LIMK2: variants seen among roughly 807,000 people sequenced by gnomAD.
The protein encoded by LIMK2 is LIM domain kinase 2.
LIMK2 carries 35 observed loss-of-function variants against 75.7 expected under a neutral mutation model. That is an observed-to-expected ratio of 0.46 (90% CI 0.35 to 0.61). LIMK2 has a LOEUF of 0.61. LIMK2 is among the 20% of genes least tolerant of loss of function. LIMK2 has a pLI of 0.00. For synonymous variants in LIMK2, 301 were observed against 319.2 expected (o/e 0.94, Z 0.61); for missense variants, 623 against 831.0 (o/e 0.75, Z 3.08).
chr22:31,220,189 G>A (rs1196051457), intron 1 of LIMK2, among the ~76,000 whole-genome samples: 1 of 152,208 alleles, frequency 6.6e-6, no homozygotes, highest in Non-Finnish European at 1.5e-5. Context: ...GGGCGTAGGA[G>A]GCTGTGTGCT....
At chr22:31,268,443 G>T (rs964055481) in intron 11 of LIMK2, among the ~76,000 whole-genome samples, 1 of 152,136 alleles carries the variant, frequency 6.6e-6, no homozygotes, top group African/African-American at 2.4e-5. Context: ...GCAAACTGGA[G>T]AGGCAAACTG....
chr22:31,258,534 A>G (rs766146875), intron 3 of LIMK2, 108 bp downstream of exon 3: 49 of 1,107,816 alleles, frequency 4.4e-5, no homozygotes, highest in Non-Finnish European at 5.5e-5. Context: ...CAGCCAGGGC[A>G]TCTCCCTTTA....
Position 31,257,040 on chromosome 22 carries a change from AT to A in LIMK2, c.117-1217del, listed in dbSNP as rs529919320. On this transcript the variant is annotated intron_variant, in intron 2 of 15. Transcript: ENST00000331728. ...TCATTAGGGGAGAAGGGAGCTATAG[AT>A]TTTTTTTTTTTTTTTTTTTTTTTTT... 8.4e-3 allele frequency among the ~76,000 whole-genome samples: 626 copies of A among 74,518 alleles called. 2 individuals are homozygous for A. Among genetic ancestry groups the A allele is most frequent in the East Asian group, 0.026 (31 of 1,204 alleles). 48.9% of individuals were successfully genotyped at this position (74,518 alleles called of 152,430 possible). A position where few individuals can be genotyped will look rare whatever the true frequency, so the allele number is the denominator to read the frequency against.
intron 2 of LIMK2, among the ~76,000 whole-genome samples, chr22:31,235,636 CG>C (rs2048567315): frequency 6.6e-6 from 1 of 152,054 alleles, no homozygotes; most frequent in African/African-American, 2.4e-5. Context: ...CAATTCCAAT[CG>C]TAAGTTTGTT....
intron 2 of LIMK2, among the ~76,000 whole-genome samples, chr22:31,256,584 C>A (rs1178822636): frequency 1.3e-5 from 2 of 152,148 alleles, no homozygotes; most frequent in Non-Finnish European, 2.9e-5. Context: ...AAGTGATCCA[C>A]CCGCCTCGGC....
chr22:31,275,391 A>T, intron 15 of LIMK2, 83 bp downstream of exon 15: 2 of 1,394,160 alleles, frequency 1.4e-6, no homozygotes, highest in Non-Finnish European at 2.0e-6. Flanking sequence ...GCCCTCTGCA[A>T]GCACAGGGGT....
chr22:31,273,225 C>T (rs2048976979), intron 13 of LIMK2: 1 of 209,300 alleles, frequency 4.8e-6, no homozygotes, highest in Non-Finnish European at 8.3e-6. Context: ...CTTTAACGTG[C>T]AGTTTCATCC....
At chr22:31,214,545 C>G (rs1007287460) in intron 1 of LIMK2, among the ~76,000 whole-genome samples, 2 of 151,724 alleles carry the variant, frequency 1.3e-5, no homozygotes, top group African/African-American at 4.8e-5. Flanking sequence ...CCTCCTGTCT[C>G]AACCTCCCAA....
At chr22:31,229,745 C>T (rs950422934) in intron 2 of LIMK2, among the ~76,000 whole-genome samples, 1 of 152,166 alleles carries the variant, frequency 6.6e-6, no homozygotes, top group Non-Finnish European at 1.5e-5. Flanking sequence ...CTCCCCTCAT[C>T]TCTCCCTTAC....
At chr22:31,266,573 G>C (rs1213695869) in intron 8 of LIMK2, among the ~76,000 whole-genome samples, 1 of 152,088 alleles carries the variant, frequency 6.6e-6, no homozygotes, top group Non-Finnish European at 1.5e-5. Context: ...TCTCAGCTTG[G>C]GGGCAGCAGG....
chr22:31,266,033 C>G lies in LIMK2; in HGVS notation c.942C>G (p.Ser314=), dbSNP rs909140455. The change falls in exon 8 of 16, where the codon TCC becomes TCG. Residue 314 remains serine, a synonymous_variant. Transcript: ENST00000331728. ...LFSRDISRSE[S]LRCSSSYSQQ... is the part of the protein sequence containing the mutation. ...GCCGTGACATCAGCCGCTCAGAATC[C>G]CTTCGTTGTTCCAGCAGCTATTCAC... 2 of 1,614,182 alleles carry G rather than the reference C, an allele frequency of 1.2e-6. No individual in the cohort carries two copies. Among genetic ancestry groups the G allele is most frequent in the East Asian group, 2.2e-5 (1 of 44,890 alleles).
chr22:31,267,402 T>C (rs2048906699), intron 9 of LIMK2, among the ~76,000 whole-genome samples: 1 of 152,198 alleles, frequency 6.6e-6, no homozygotes, highest in South Asian at 2.1e-4. Context: ...AACGCCCTGC[T>C]AAGGGAGCCT....
At chr22:31,217,929 C>A (rs997347778) in intron 1 of LIMK2, among the ~76,000 whole-genome samples, 1 of 152,140 alleles carries the variant, frequency 6.6e-6, no homozygotes, top group Admixed American at 6.5e-5. Flanking sequence ...CACCAAGGGC[C>A]CCAGTAATTC....
At chr22:31,277,191 C>T (rs754358726) in intron 15 of LIMK2, 7 of 1,610,474 alleles carry the variant, frequency 4.3e-6, no homozygotes, top group Non-Finnish European at 5.1e-6. Flanking sequence ...TCGCTACCCC[C>T]CGACCTCGTA....
intron 2 of LIMK2, chr22:31,248,787 T>A: frequency 6.2e-7 from 1 of 1,613,670 alleles, no homozygotes; most frequent in Non-Finnish European, 8.5e-7. Context: ...GGTCTCCGAG[T>A]TCCCCTCTCC....
chr22:31,248,267 A>G, intron 2 of LIMK2: 1 of 1,038,244 alleles, frequency 9.6e-7, no homozygotes, highest in Non-Finnish European at 1.2e-6. Flanking sequence ...GTTTCCTAAC[A>G]GCTGCTCCAA....
intron 12 of LIMK2, 110 bp downstream of exon 12, chr22:31,271,311 AG>A (rs2048954498): frequency 2.2e-6 from 2 of 895,838 alleles, no homozygotes; most frequent in Non-Finnish European, 3.7e-6. Flanking sequence ...GGTGTTGCCT[AG>A]GAGCTCCTAT....
At chr22:31,238,125 A>C (rs1298523833) in intron 2 of LIMK2, among the ~76,000 whole-genome samples, 1 of 151,670 alleles carries the variant, frequency 6.6e-6, no homozygotes, top group South Asian at 2.1e-4. Context: ...AAAAAAAAAA[A>C]AAAAAAACCA....
chr22:31,239,055 C>T (rs2048603363), intron 2 of LIMK2, among the ~76,000 whole-genome samples: 1 of 152,158 alleles, frequency 6.6e-6, no homozygotes, highest in Admixed American at 6.5e-5. Flanking sequence ...AGACAAATAT[C>T]AGCTGTTAAA....
Sources: gnomAD v4.1 joint callset for allele counts (sites outside exome capture counted in the v4.1 genomes callset) on GRCh38, gnomAD v4.1.1 for gene constraint, MANE v1.5 for transcripts, NCBI Gene and HGNC (gene_info 2026-07-23, HGNC 2026-07-21) for gene names.